The following PDE4D variants were observed in gnomAD, a reference collection of about 807,000 sequenced individuals.
PDE4D encodes the protein 3',5'-cyclic-AMP phosphodiesterase 4D.
A neutral mutation model predicts 87.4 loss-of-function variants in PDE4D; 24 were observed. The observed-to-expected ratio is 0.27, with a 90% CI of 0.20 to 0.39. PDE4D has a LOEUF of 0.39. Ranked by LOEUF, PDE4D falls within the 10% of genes least tolerant of loss-of-function variation. The probability of loss-of-function intolerance (pLI) is 1.00; values close to 1 mark genes in which losing one functional copy is unlikely to be tolerated. For missense variants in PDE4D, 714 were observed against 1,041.0 expected (o/e 0.69, Z 4.32); for synonymous variants, 384 against 383.2 (o/e 1.00, Z -0.02).
Position 59,689,548 on chromosome 5 carries a change from C to T in PDE4D, c.455+203620G>A, listed in dbSNP as rs377536710. Among the ~76,000 whole-genome samples, 25 of 152,168 alleles carry T rather than the reference C, an allele frequency of 1.6e-4. 2 individuals carry two copies. Among genetic ancestry groups the T allele is most frequent in the Admixed American group, 9.8e-4 (15 of 15,274 alleles). ...CTTCATGCTAAAAACTCTCAATAAA[C>T]TAGGCATTGATGGGATGTATCTCAA... On this transcript the variant is annotated intron_variant, in intron 1 of 14. Transcript: ENST00000340635.
intron 1 of PDE4D, among the ~76,000 whole-genome samples, chr5:59,714,552 G>C (rs1158918846): frequency 6.6e-6 from 1 of 152,198 alleles, no homozygotes; most frequent in African/African-American, 2.4e-5. Context: ...GTTTTACATG[G>C]CCTGACAGCC....
chr5:59,636,677 C>T (rs529776683), intron 1 of PDE4D, among the ~76,000 whole-genome samples: 1 of 152,140 alleles, frequency 6.6e-6, no homozygotes, highest in East Asian at 1.9e-4. Context: ...TTAATAAATG[C>T]TGTTGGGAAA....
chr5:60,511,798 A>T (rs1427024392), intron 1 of PDE4D, among the ~76,000 whole-genome samples: 6 of 152,000 alleles, frequency 3.9e-5, no homozygotes, highest in Non-Finnish European at 7.4e-5. Context: ...GTACAGAAAA[A>T]ATATTTTAAA....
At chr5:59,909,376 T>C (rs1208229571) in intron 3 of PDE4D, among the ~76,000 whole-genome samples, 1 of 146,636 alleles carries the variant, frequency 6.8e-6, no homozygotes, top group Non-Finnish European at 1.5e-5. Context: ...TCGGCAATTT[T>C]AACAAGCTCC....
At chr5:59,372,811 C>T (rs774107189) in intron 1 of PDE4D, among the ~76,000 whole-genome samples, 1 of 152,184 alleles carries the variant, frequency 6.6e-6, no homozygotes, top group African/African-American at 2.4e-5. Context: ...CATCTCAGCA[C>T]CCCTAGCTGA....
At chr5:60,227,590 AG>A (rs1745270558) in intron 1 of PDE4D, among the ~76,000 whole-genome samples, 1 of 101,256 alleles carries the variant, frequency 9.9e-6, no homozygotes, top group Non-Finnish European at 1.9e-5. Context: ...GAAAGGAGGA[AG>A]GGGGAGAGAG....
chr5:59,052,561 CAA>C (rs1761709901), intron 5 of PDE4D, among the ~76,000 whole-genome samples: 1 of 152,136 alleles, frequency 6.6e-6, no homozygotes, highest in Non-Finnish European at 1.5e-5. Flanking sequence ...CAGTGGAAAG[CAA>C]AGAGTTGTGG....
intron 1 of PDE4D, among the ~76,000 whole-genome samples, chr5:60,300,907 A>T (rs1453655190): frequency 6.6e-6 from 1 of 151,976 alleles, no homozygotes; most frequent in Non-Finnish European, 1.5e-5. Context: ...AGTACCTGGG[A>T]TTACAGGTGC....
At chr5:59,153,227 G>A (rs1779701660) in intron 5 of PDE4D, among the ~76,000 whole-genome samples, 1 of 152,052 alleles carries the variant, frequency 6.6e-6, no homozygotes, top group Admixed American at 6.5e-5. Flanking sequence ...AGACTCTCCA[G>A]TAGCAGCGGG....
At chr5:59,920,303 A>G (rs931835586) in intron 3 of PDE4D, among the ~76,000 whole-genome samples, 1 of 152,226 alleles carries the variant, frequency 6.6e-6, no homozygotes, top group Non-Finnish European at 1.5e-5. Context: ...TATCTCTGCC[A>G]TTTCCAAGCC....
At chr5:59,960,492 G>A (rs1561912696) in intron 3 of PDE4D, among the ~76,000 whole-genome samples, 1 of 152,026 alleles carries the variant, frequency 6.6e-6, no homozygotes, top group Admixed American at 6.6e-5. Flanking sequence ...AGAAAATATG[G>A]TACATATACA....
intron 1 of PDE4D, among the ~76,000 whole-genome samples, chr5:59,518,193 T>TCA (rs35039897): frequency 6.7e-6 from 1 of 149,430 alleles, no homozygotes; most frequent in African/African-American, 2.5e-5. Context: ...ACTTGTGTGT[T>TCA]TGTGTGTGTG....
intron 3 of PDE4D, chr5:59,988,409 C>T: frequency 1.2e-6 from 1 of 842,194 alleles, no homozygotes; most frequent in Non-Finnish European, 1.8e-6. Flanking sequence ...AAGCAATGAG[C>T]CACAAAAACT....
chr5:60,104,685 C>T (rs1351670287), intron 2 of PDE4D, among the ~76,000 whole-genome samples: 1 of 152,228 alleles, frequency 6.6e-6, no homozygotes, highest in Admixed American at 6.5e-5. Context: ...AACCATCAGA[C>T]AGCATCATTT....
chr5:59,011,725 ACT>A (rs1471632955), intron 6 of PDE4D, among the ~76,000 whole-genome samples: 3 of 152,224 alleles, frequency 2.0e-5, no homozygotes, highest in African/African-American at 7.2e-5. Context: ...GTTGGAAAAC[ACT>A]CTGCAGGATA....
rs969719877 is a variant in PDE4D at position 59,208,553 on chromosome 5, C to T, written c.647+7224G>A. 1.8e-4 allele frequency among the ~76,000 whole-genome samples: 27 copies of T among 152,236 alleles called. No homozygotes were observed. The Middle Eastern group carries it at 0.014, about 77-fold the overall frequency. On this transcript the variant is annotated intron_variant, in intron 2 of 14. Coordinates refer to ENST00000340635, the MANE Select transcript of PDE4D (RefSeq NM_001104631.2). ...CTGTAGCAGTGCATTAAAATCAATG[C>T]TTTATTTTTATACTGTGGCATTAAA...
chr5:60,127,818 A>C, intron 2 of PDE4D: 1 of 444,226 alleles, frequency 2.3e-6, no homozygotes, highest in Non-Finnish European at 4.0e-6. Flanking sequence ...CTGAATATAC[A>C]AATTGGCGAG....
chr5:59,994,491 T>C (rs1212886767), intron 2 of PDE4D, among the ~76,000 whole-genome samples: 1 of 152,120 alleles, frequency 6.6e-6, no homozygotes, highest in Non-Finnish European at 1.5e-5. Context: ...GCTATAGAGA[T>C]GTCAGTGAGT....
intron 1 of PDE4D, among the ~76,000 whole-genome samples, chr5:59,406,854 C>A (rs1582437352): frequency 6.6e-6 from 1 of 152,062 alleles, no homozygotes; most frequent in Non-Finnish European, 1.5e-5. Flanking sequence ...TTTTCTGAAA[C>A]GTCTATTTGT....
Sources: gnomAD v4.1 joint callset for allele counts (sites outside exome capture counted in the v4.1 genomes callset) on GRCh38, gnomAD v4.1.1 for gene constraint, MANE v1.5 for transcripts, NCBI Gene and HGNC (gene_info 2026-07-23, HGNC 2026-07-21) for gene names.